The following ERC1 variants were observed in gnomAD, a reference collection of about 807,000 sequenced individuals.
ERC1 encodes the protein RAB6 interacting protein 2.
Under a neutral mutation model 132.0 loss-of-function variants are expected in ERC1, and 56 were observed. That is an observed-to-expected ratio of 0.42 (90% CI 0.34 to 0.53). The LOEUF is 0.53. Ranked by LOEUF, ERC1 falls within the 20% of genes least tolerant of loss-of-function variation. The pLI is 0.03. For missense variants in ERC1, 1,202 were observed against 1,349.9 expected (o/e 0.89, Z 1.72); for synonymous variants, 478 against 476.1 (o/e 1.00, Z -0.05).
intron 2 of ERC1, among the ~76,000 whole-genome samples, chr12:1,047,402 A>G (rs2154165914): frequency 6.6e-6 from 1 of 151,264 alleles, no homozygotes; most frequent in African/African-American, 2.4e-5. Flanking sequence ...ACCCCCCAAA[A>G]AAAGCCATTG....
At chr12:1,146,626 T>A (rs578038791) in intron 8 of ERC1, among the ~76,000 whole-genome samples, 28 of 149,684 alleles carry the variant, frequency 1.9e-4, no homozygotes, top group South Asian at 4.3e-4. Context: ...TTTTTTTTTT[T>A]AAATTTTATT....
chr12:1,383,013 C>T lies in ERC1; in HGVS notation c.2925+11036C>T, dbSNP rs544960859. ...TCATCCATCTGTTGCATTTTTTTGTCGTCATTTCCAGATGTAGGAAAATCC... is the reference window on the plus strand; with the variant it reads ...TCATCCATCTGTTGCATTTTTTTGTTGTCATTTCCAGATGTAGGAAAATCC... On this transcript the variant is annotated intron_variant, in intron 16 of 18. Coordinates refer to ENST00000360905, the MANE Select transcript of ERC1 (RefSeq NM_178040.4). Among the ~76,000 whole-genome samples the T allele has an allele frequency of 1.3e-4, 20 of 152,232 alleles. 1 individual carries two copies. The highest frequency in any genetic ancestry group is 4.3e-4 in the African/African-American group (18 of 41,540).
rs147464650 is a variant in ERC1, at chr12:1,382,418, T to C, written c.2925+10441T>C. Among the ~76,000 whole-genome samples, 4 of 152,350 alleles carry C rather than the reference T, an allele frequency of 2.6e-5. No homozygotes were observed. The South Asian group carries it at 6.2e-4, about 24-fold the overall frequency. On this transcript the variant is annotated intron_variant, in intron 16 of 18. Transcript: ENST00000360905. ...CATGTCAGATGCGAGCCCTGTGTTA[T>C]TCAGGCATCCATGTTTCCCTGGAGA...
At chr12:1,170,623 G>A (rs1952953171) in intron 8 of ERC1, among the ~76,000 whole-genome samples, 2 of 152,318 alleles carry the variant, frequency 1.3e-5, no homozygotes, top group East Asian at 1.9e-4. Context: ...ATGCTGACTA[G>A]ATAGAAAAAG....
intron 7 of ERC1, among the ~76,000 whole-genome samples, chr12:1,127,505 CT>C (rs1386561232): frequency 1.4e-3 from 198 of 142,296 alleles, no homozygotes; most frequent in Middle Eastern, 0.011. Flanking sequence ...TCTATGTTTA[CT>C]TTTTTTTTTT....
chr12:1,119,637 G>A (rs1351774811), intron 7 of ERC1, among the ~76,000 whole-genome samples: 8 of 150,882 alleles, frequency 5.3e-5, no homozygotes, highest in African/African-American at 1.5e-4. Flanking sequence ...CCACAACCTC[G>A]CCTCCTGGGT....
At chr12:1,043,092 G>C (rs897880549) in intron 2 of ERC1, among the ~76,000 whole-genome samples, 1 of 148,092 alleles carries the variant, frequency 6.8e-6, no homozygotes, top group African/African-American at 2.5e-5. Context: ...CGCCCAGGCT[G>C]GAGTGCAGTG....
At chr12:1,289,611 C>T (rs2079293351) in intron 14 of ERC1, among the ~76,000 whole-genome samples, 2 of 152,012 alleles carry the variant, frequency 1.3e-5, no homozygotes, top group Non-Finnish European at 2.9e-5. Context: ...CTTGTATGCC[C>T]TTGCATGTAT....
In ERC1 at chr12:1,040,653, G is replaced by A. The variant is rs533980828; in HGVS notation, c.669+12081G>A. ...CAGATTTGGAAAGTTAGTCTTTAAC[G>A]TAGATCTTTTCCTTTGATTTTTCCA... On this transcript the variant is annotated intron_variant, in intron 2 of 18. Coordinates refer to ENST00000360905, the MANE Select transcript of ERC1 (RefSeq NM_178040.4). Among the ~76,000 whole-genome samples the A allele has an allele frequency of 3.3e-5, 5 of 152,138 alleles. No individual in the cohort carries two copies. The East Asian group carries it at 5.8e-4, about 18-fold the overall frequency.
At chr12:1,239,914 G>A (rs1420131594) in intron 13 of ERC1, among the ~76,000 whole-genome samples, 1 of 152,154 alleles carries the variant, frequency 6.6e-6, no homozygotes, top group East Asian at 1.9e-4. Context: ...AGTAAGTTTG[G>A]GGAAAGCCCC....
At chr12:1,396,278 AT>A (rs1408408103) in intron 16 of ERC1, among the ~76,000 whole-genome samples, 2 of 152,236 alleles carry the variant, frequency 1.3e-5, no homozygotes, top group Non-Finnish European at 2.9e-5. Flanking sequence ...TAATAAAGGA[AT>A]TTTTATAGAA....
chr12:1,177,583 A>G (rs1254078206), intron 8 of ERC1, among the ~76,000 whole-genome samples: 4 of 152,184 alleles, frequency 2.6e-5, no homozygotes, highest in African/African-American at 7.2e-5. Flanking sequence ...CACATGCAAC[A>G]TTTCTTAAGT....
rs529825957 is a variant in ERC1 at position 1,390,708 on chromosome 12, G to A, written c.2926-17441G>A. ...AACCATGAATTTTGGAGTATTAAAT[G>A]AACCCAGTTGTGGATTCACTATGGT... is the stretch of plus-strand genomic sequence containing the variant. On this transcript the variant is annotated intron_variant, in intron 16 of 18. Coordinates refer to ENST00000360905, the MANE Select transcript of ERC1 (RefSeq NM_178040.4). The A allele has an allele frequency of 1.2e-4, 18 of 152,320 alleles. 1 individual carries two copies. Among genetic ancestry groups the A allele is most frequent in the African/African-American group, 4.3e-4 (18 of 41,572 alleles). The allele number at this position is 152,320 out of a possible 1,614,324, so 9.4% of individuals were successfully genotyped here. A position where few individuals can be genotyped will look rare whatever the true frequency, so the allele number is the denominator to read the frequency against.
chr12:1,058,971 T>G (rs1973524566), intron 2 of ERC1, among the ~76,000 whole-genome samples: 1 of 152,000 alleles, frequency 6.6e-6, no homozygotes, highest in Non-Finnish European at 1.5e-5. Context: ...TCCATGAACA[T>G]GGGATGTCTT....
chr12:1,323,254 T>TG (rs1434373497), intron 15 of ERC1, among the ~76,000 whole-genome samples: 3 of 150,476 alleles, frequency 2.0e-5, no homozygotes, highest in Non-Finnish European at 4.4e-5. Flanking sequence ...TTGCTGGTAA[T>TG]GGGGAAAAAA....
chr12:1,492,452 A>G lies in ERC1; in HGVS notation c.*2222A>G. The G allele has an allele frequency of 4.3e-6, 1 of 233,274 alleles. No homozygotes were observed. The highest frequency in any genetic ancestry group is 6.0e-5 in the East Asian group (1 of 16,578). 14.5% of individuals were successfully genotyped at this position (233,274 alleles called of 1,614,324 possible). A position where few individuals can be genotyped will look rare whatever the true frequency, so the allele number is the denominator to read the frequency against. ...GCCATGCCTAAACAAGTGGTCTGGC[A>G]CGGGCACTGGCCAGCTGCTCTCTCC... On this transcript the variant is annotated 3_prime_UTR_variant, in exon 19 of 19. Coordinates refer to ENST00000360905, the MANE Select transcript of ERC1 (RefSeq NM_178040.4).
chr12:1,076,357 T>C (rs554583686), intron 2 of ERC1, among the ~76,000 whole-genome samples: 13 of 152,176 alleles, frequency 8.5e-5, no homozygotes, highest in African/African-American at 3.1e-4. Flanking sequence ...TAAGAATTAC[T>C]TGTATTGGTT....
chr12:1,377,477 C>A (rs187558334), intron 16 of ERC1, among the ~76,000 whole-genome samples: 1 of 152,168 alleles, frequency 6.6e-6, no homozygotes, highest in African/African-American at 2.4e-5. Flanking sequence ...CATGATAACA[C>A]GATTCAATGC....
chr12:1,012,717 G>T (rs1051829250), intron 1 of ERC1, among the ~76,000 whole-genome samples: 8 of 152,098 alleles, frequency 5.3e-5, no homozygotes, highest in African/African-American at 1.9e-4. Context: ...GCCTCCTGAA[G>T]TGTTGGGATT....
Sources: gnomAD v4.1 joint callset for allele counts (sites outside exome capture counted in the v4.1 genomes callset) on GRCh38, gnomAD v4.1.1 for gene constraint, MANE v1.5 for transcripts, NCBI Gene and HGNC (gene_info 2026-07-23, HGNC 2026-07-21) for gene names.